Variants in LARP4 observed in about 807,000 individuals in gnomAD.
LARP4 encodes La ribonucleoprotein 4.
In LARP4, 29 loss-of-function variants were observed where a neutral mutation model predicts 92.9. The ratio of observed to expected loss-of-function variants is 0.31; its 90% CI spans 0.23 to 0.43. The LOEUF (loss-of-function observed/expected upper bound fraction) is 0.43, where lower values mean the gene tolerates loss of function less well. Ranked by LOEUF, LARP4 falls within the 20% of genes least tolerant of loss-of-function variation. The probability of loss-of-function intolerance (pLI) is 1.00; values close to 1 mark genes in which losing one functional copy is unlikely to be tolerated. For missense variants in LARP4, 732 were observed against 860.0 expected, an observed-to-expected ratio of 0.85 and a Z score of 1.86; for synonymous variants, 279 against 284.1, an observed-to-expected ratio of 0.98 and a Z score of 0.18.
chr12:50,424,485 A>G (rs1044472664), intron 1 of LARP4, among the ~76,000 whole-genome samples: 1 of 151,098 alleles, frequency 6.6e-6, no homozygotes, highest in Non-Finnish European at 1.5e-5. Context: ...CAGCCTCCCC[A>G]GTAGCTGGGA....
intron 12 of LARP4, among the ~76,000 whole-genome samples, chr12:50,463,963 C>T (rs1201927950): frequency 1.3e-5 from 2 of 152,224 alleles, no homozygotes; most frequent in Middle Eastern, 3.4e-3. Context: ...TGCCATACAT[C>T]CTCTGAAATT....
chr12:50,461,052 C>A, intron 10 of LARP4, 83 bp from the exon 11 acceptor site: 2 of 1,107,218 alleles, frequency 1.8e-6, no homozygotes, highest in Non-Finnish European at 2.7e-6. Flanking sequence ...CCCAGTACAA[C>A]AGGAGCCAAT....
At chr12:50,421,396 C>G (rs992377618) in intron 1 of LARP4, 2 of 523,306 alleles carry the variant, frequency 3.8e-6, no homozygotes. Context: ...GTAATCCCAG[C>G]ACTTTGGGAG....
At chr12:50,446,604 G>C (rs1205155457) in intron 8 of LARP4, among the ~76,000 whole-genome samples, 1 of 146,330 alleles carries the variant, frequency 6.8e-6, no homozygotes, top group African/African-American at 2.5e-5. Context: ...AATTTTTGTA[G>C]TTTTAGTAGA....
At chr12:50,406,002 A>G (rs1944762786) in intron 1 of LARP4, among the ~76,000 whole-genome samples, 1 of 152,166 alleles carries the variant, frequency 6.6e-6, no homozygotes, top group Non-Finnish European at 1.5e-5. Context: ...CATTGTCAGT[A>G]CAGATGCAAT....
rs145876070 is a variant in LARP4 at position 50,416,784 on chromosome 12, C to G, written c.19-10978C>G. ...CTGATAGACTGAAATCAAGACCAGC[C>G]TGCACAACATGATGAAATCCTGTCT... On this transcript the variant is annotated intron_variant, in intron 1 of 15. Transcript: ENST00000398473. 7.6e-3 allele frequency among the ~76,000 whole-genome samples: 1,149 copies of G among 151,320 alleles called. 15 individuals are homozygous for G. Among genetic ancestry groups the G allele is most frequent in the African/African-American group, 0.026 (1,060 of 41,258 alleles).
Position 50,426,685 on chromosome 12 carries a change from GTGTGTGT to G in LARP4, c.19-1076_19-1070del, listed in dbSNP as rs1471894988. Among the ~76,000 whole-genome samples, 57 of 34,224 alleles carry G rather than the reference GTGTGTGT, an allele frequency of 1.7e-3. 1 individual carries two copies. Among genetic ancestry groups the G allele is most frequent in the African/African-American group, 2.7e-3 (49 of 18,036 alleles). 22.5% of individuals were successfully genotyped at this position (34,224 alleles called of 152,430 possible). A position where few individuals can be genotyped will look rare whatever the true frequency, so the allele number is the denominator to read the frequency against. ...CATGGAACAGGGCATTATGTTTGGG[GTGTGTGT>G]GTGTGTGTGTGTGTGTGTGTGTGTG... On this transcript the variant is annotated intron_variant, in intron 1 of 15. Transcript: ENST00000398473.
At chr12:50,427,028 G>A (rs778290373) in intron 1 of LARP4, among the ~76,000 whole-genome samples, 5 of 152,024 alleles carry the variant, frequency 3.3e-5, no homozygotes, top group Non-Finnish European at 5.9e-5. Context: ...ATGAACCATC[G>A]TGCCCTGCCT....
At chr12:50,457,683 G>A (rs1215813149) in intron 10 of LARP4, among the ~76,000 whole-genome samples, 1 of 151,890 alleles carries the variant, frequency 6.6e-6, no homozygotes, top group Admixed American at 6.6e-5. Flanking sequence ...GCATACTGGT[G>A]TGCACCTGTA....
At chr12:50,410,516 C>T (rs1179064850) in intron 1 of LARP4, among the ~76,000 whole-genome samples, 1 of 151,838 alleles carries the variant, frequency 6.6e-6, no homozygotes, top group African/African-American at 2.4e-5. Flanking sequence ...CGCCATTCTC[C>T]TGCCTCAGCC....
chr12:50,445,072 A>G (rs570975403), intron 8 of LARP4, among the ~76,000 whole-genome samples: 1 of 135,540 alleles, frequency 7.4e-6, no homozygotes, highest in Non-Finnish European at 1.5e-5. Flanking sequence ...TAATTTTTCT[A>G]CTTTTTTTGT....
chr12:50,407,356 T>G (rs1945045479), intron 1 of LARP4, among the ~76,000 whole-genome samples: 1 of 152,146 alleles, frequency 6.6e-6, no homozygotes, highest in Non-Finnish European at 1.5e-5. Context: ...TTAAACTAAT[T>G]TAAGAGAAGT....
chr12:50,470,026 T>A (rs1332460343), intron 13 of LARP4, among the ~76,000 whole-genome samples: 1 of 151,070 alleles, frequency 6.6e-6, no homozygotes, highest in African/African-American at 2.4e-5. Context: ...TCGAGACCAA[T>A]GTGGGCAACA....
In LARP4 at chr12:50,479,474, CAT is replaced by C. The variant is rs1957747320; in HGVS notation, c.*3615_*3616del. 6.6e-6 allele frequency: 1 copy of C among 152,060 alleles called. No individual in the cohort carries two copies. The highest frequency in any genetic ancestry group is 6.6e-5 in the Admixed American group (1 of 15,254). 9.4% of individuals were successfully genotyped at this position (152,060 alleles called of 1,614,324 possible). ...GCTAGTCTGAGCTTCCGAAAAGATA[CAT>C]ATATGTTTCCCTTTTCATTAGCTGA... On this transcript the variant is annotated 3_prime_UTR_variant, in exon 16 of 16. Coordinates refer to ENST00000398473, the MANE Select transcript of LARP4 (RefSeq NM_052879.5).
At chr12:50,432,572 T>C (rs2137237379) in intron 4 of LARP4, among the ~76,000 whole-genome samples, 1 of 152,100 alleles carries the variant, frequency 6.6e-6, no homozygotes, top group African/African-American at 2.4e-5. Context: ...AATCTGGCAG[T>C]GTCTTGGCCT....
chr12:50,410,867 C>A (rs765422429), intron 1 of LARP4, among the ~76,000 whole-genome samples: 1 of 152,112 alleles, frequency 6.6e-6, no homozygotes, highest in Non-Finnish European at 1.5e-5. Flanking sequence ...ATGACAGATA[C>A]TGTCTGATTG....
chr12:50,419,489 G>A (rs1427138156), intron 1 of LARP4, among the ~76,000 whole-genome samples: 1 of 152,214 alleles, frequency 6.6e-6, no homozygotes, highest in Non-Finnish European at 1.5e-5. Flanking sequence ...TGATACCAGA[G>A]TATGGCTAGA....
intron 2 of LARP4, among the ~76,000 whole-genome samples, chr12:50,428,695 G>C (rs977860601): frequency 6.6e-6 from 1 of 152,150 alleles, no homozygotes; most frequent in Admixed American, 6.5e-5. Flanking sequence ...AAAGTGCATG[G>C]AGTAGTCTGA....
At chr12:50,444,380 A>G (rs1378945821) in intron 8 of LARP4, among the ~76,000 whole-genome samples, 3 of 152,110 alleles carry the variant, frequency 2.0e-5, no homozygotes, top group African/African-American at 7.2e-5. Flanking sequence ...CAAATATTTT[A>G]TTATAAGTAA....
Sources: allele counts gnomAD v4.1 joint callset (sites outside exome capture counted in the v4.1 genomes callset), GRCh38; gene constraint gnomAD v4.1.1; transcripts MANE v1.5; gene names NCBI Gene and HGNC (gene_info 2026-07-23, HGNC 2026-07-21).